The following NECAB1 variants were observed in gnomAD, a reference collection of about 807,000 sequenced individuals.
The protein encoded by NECAB1 is N-terminal EF-hand calcium-binding protein 1.
In NECAB1, 29 loss-of-function variants were observed where a neutral mutation model predicts 57.5. The observed-to-expected ratio is 0.50, with a 90% CI of 0.38 to 0.69. The LOEUF (loss-of-function observed/expected upper bound fraction) is 0.69, where lower values mean the gene tolerates loss of function less well. Ranked by LOEUF, NECAB1 falls within the 30% of genes least tolerant of loss-of-function variation. The pLI is 0.00. For synonymous variants in NECAB1, 142 were observed against 147.7 expected, an observed-to-expected ratio of 0.96 and a Z score of 0.28; for missense variants, 372 against 413.8, an observed-to-expected ratio of 0.90 and a Z score of 0.88.
At chr8:90,868,720 A>T (rs758271776) in intron 3 of NECAB1, among the ~76,000 whole-genome samples, 2 of 152,228 alleles carry the variant, frequency 1.3e-5, no homozygotes, top group African/African-American at 4.8e-5. Flanking sequence ...TGAAACTTAT[A>T]TTTAAAAGGG....
At chr8:90,868,130 C>T (rs1486886071) in intron 3 of NECAB1, among the ~76,000 whole-genome samples, 3 of 152,150 alleles carry the variant, frequency 2.0e-5, no homozygotes, top group Non-Finnish European at 4.4e-5. Context: ...TTCCTGTTTC[C>T]CTTCTACCAT....
At chr8:90,835,545 A>C (rs1563500318) in intron 3 of NECAB1, among the ~76,000 whole-genome samples, 1 of 151,918 alleles carries the variant, frequency 6.6e-6, no homozygotes. Flanking sequence ...ACTCGCCACA[A>C]AATAATAATA....
chr8:90,828,236 T>C (rs375500036), intron 3 of NECAB1, among the ~76,000 whole-genome samples: 14 of 151,528 alleles, frequency 9.2e-5, no homozygotes, highest in Admixed American at 4.6e-4. Flanking sequence ...CCCAAATACA[T>C]TTAACCTCAA....
rs372807681 is a variant in NECAB1, at chr8:90,949,824, T to C, written c.878T>C (p.Leu293Pro). 1.2e-6 allele frequency: 2 copies of C among 1,605,766 alleles called. No individual in the cohort carries two copies. Among genetic ancestry groups the C allele is most frequent in the African/African-American group, 2.7e-5 (2 of 74,806 alleles). ...SGCLRISIQK[L>P]SNESRYMIYE... ...CATTTCAGTATTTCTATACAGAAGCTTTCAAATGAATCTCGCTACATGATC... is the reference window on the plus strand; with the variant it reads ...CATTTCAGTATTTCTATACAGAAGCCTTCAAATGAATCTCGCTACATGATC... The change falls in exon 11 of 13, where the codon CTT becomes CCT. Residue 293 changes from leucine to proline, a missense_variant. Coordinates refer to ENST00000417640, the MANE Select transcript of NECAB1 (RefSeq NM_022351.5).
intron 4 of NECAB1, among the ~76,000 whole-genome samples, chr8:90,873,474 A>C (rs1270273735): frequency 1.3e-5 from 2 of 152,192 alleles, no homozygotes; most frequent in African/African-American, 4.8e-5. Context: ...ACTCTCATCT[A>C]TGTGCACACA....
At chr8:90,792,440 C>T (rs1352725494) in intron 1 of NECAB1, among the ~76,000 whole-genome samples, 1 of 152,218 alleles carries the variant, frequency 6.6e-6, no homozygotes, top group Non-Finnish European at 1.5e-5. Flanking sequence ...TATCCTCCCC[C>T]AGACCCCCTC....
chr8:90,948,630 A>G (rs1810860217), intron 10 of NECAB1, among the ~76,000 whole-genome samples: 1 of 152,176 alleles, frequency 6.6e-6, no homozygotes, highest in Admixed American at 6.5e-5. Flanking sequence ...TATATTATGA[A>G]CCATTAGGCT....
At chr8:90,807,063 T>A (rs1811859155) in intron 2 of NECAB1, among the ~76,000 whole-genome samples, 1 of 152,118 alleles carries the variant, frequency 6.6e-6, no homozygotes, top group Non-Finnish European at 1.5e-5. Flanking sequence ...CAAATATAAT[T>A]ATAGTTAGAG....
At chr8:90,836,197 C>T (rs552244205) in intron 3 of NECAB1, among the ~76,000 whole-genome samples, 58 of 152,184 alleles carry the variant, frequency 3.8e-4, no homozygotes, top group Non-Finnish European at 6.3e-4. Context: ...ATTGGATCTT[C>T]GTTTATATGT....
intron 3 of NECAB1, among the ~76,000 whole-genome samples, chr8:90,860,793 AC>A (rs1812888029): frequency 6.6e-6 from 1 of 152,150 alleles, no homozygotes. Flanking sequence ...CATTGAAGGA[AC>A]CCAATATGAT....
intron 6 of NECAB1, among the ~76,000 whole-genome samples, chr8:90,919,604 C>T (rs1431632721): frequency 2.6e-5 from 4 of 152,138 alleles, no homozygotes; most frequent in Non-Finnish European, 4.4e-5. Context: ...GTTTTCACTG[C>T]GTTGGGTGAT....
chr8:90,894,981 A>C (rs1485339092), intron 5 of NECAB1, among the ~76,000 whole-genome samples: 1 of 152,208 alleles, frequency 6.6e-6, no homozygotes, highest in African/African-American at 2.4e-5. Flanking sequence ...AGTTTAATGA[A>C]GCACAGGGGC....
rs372763294 is a variant in NECAB1 at position 90,825,282 on chromosome 8, G to T, written c.233+457G>T. Reference sequence around the variant, plus strand: ...GAATTCCAAATCACTGTTACCTGAGGACATAATTATCTCTGGAGAGCCAAT... The same window carrying T: ...GAATTCCAAATCACTGTTACCTGAGTACATAATTATCTCTGGAGAGCCAAT... On this transcript the variant is annotated intron_variant, in intron 3 of 12. Coordinates refer to ENST00000417640, the MANE Select transcript of NECAB1 (RefSeq NM_022351.5). Among the ~76,000 whole-genome samples, 5 of 151,710 alleles carry T rather than the reference G, an allele frequency of 3.3e-5. No individual in the cohort carries two copies. In the East Asian group the frequency reaches 5.8e-4, roughly 18 times the overall value.
chr8:90,951,531 G>C (rs1810924556), intron 12 of NECAB1, among the ~76,000 whole-genome samples: 1 of 151,944 alleles, frequency 6.6e-6, no homozygotes, highest in African/African-American at 2.4e-5. Context: ...TAGTGTACTG[G>C]ATACAATTTG....
chr8:90,820,419 C>T (rs1359371674), intron 2 of NECAB1, among the ~76,000 whole-genome samples: 1 of 151,822 alleles, frequency 6.6e-6, no homozygotes. Context: ...TCTATGAGTT[C>T]ATTTGGTTCT....
At chr8:90,948,645 A>G (rs1171915696) in intron 10 of NECAB1, among the ~76,000 whole-genome samples, 2 of 152,210 alleles carry the variant, frequency 1.3e-5, no homozygotes, top group Non-Finnish European at 2.9e-5. Context: ...TAGGCTGAAC[A>G]ATCTGTATTT....
At chr8:90,846,675 T>A (rs1254922431) in intron 3 of NECAB1, among the ~76,000 whole-genome samples, 1 of 152,192 alleles carries the variant, frequency 6.6e-6, no homozygotes, top group African/African-American at 2.4e-5. Flanking sequence ...GGATTCACAG[T>A]TCCACAAGGC....
chr8:90,895,991 C>G (rs187154790), intron 5 of NECAB1, among the ~76,000 whole-genome samples: 1 of 152,276 alleles, frequency 6.6e-6, no homozygotes, highest in Admixed American at 6.5e-5. Flanking sequence ...AAGTTTTGTG[C>G]AAAGTCTGTA....
chr8:90,958,192 A>AT lies in NECAB1; in HGVS notation c.*2681dup, dbSNP rs904897248. On this transcript the variant is annotated 3_prime_UTR_variant, in exon 13 of 13. Coordinates refer to ENST00000417640, the MANE Select transcript of NECAB1 (RefSeq NM_022351.5). ...GCTTAAACCCAAAAATTGTTCATCC[A>AT]TATATAAGAAATTATCGAATTAAAA... The AT allele has an allele frequency of 1.3e-5, 2 of 151,376 alleles. No individual in the cohort carries two copies. Among genetic ancestry groups the AT allele is most frequent in the Non-Finnish European group, 1.5e-5 (1 of 67,628 alleles). 9.4% of individuals were successfully genotyped at this position (151,376 alleles called of 1,614,324 possible).
Sources: gnomAD v4.1 joint callset for allele counts (sites outside exome capture counted in the v4.1 genomes callset) on GRCh38, gnomAD v4.1.1 for gene constraint, MANE v1.5 for transcripts, NCBI Gene and HGNC (gene_info 2026-07-23, HGNC 2026-07-21) for gene names.